The following DAAM2 variants were observed in gnomAD, a reference collection of about 807,000 sequenced individuals.
The protein encoded by DAAM2 is dishevelled associated activator of morphogenesis 2, also known as disheveled-associated activator of morphogenesis 2.
Under a neutral mutation model 120.7 loss-of-function variants are expected in DAAM2, and 39 were observed. The ratio of observed to expected loss-of-function variants is 0.32; its 90% CI spans 0.25 to 0.42. DAAM2 has a LOEUF of 0.42. Ranked by LOEUF, DAAM2 falls within the 10% of genes least tolerant of loss-of-function variation. DAAM2 has a pLI of 1.00. For missense variants in DAAM2, 1,283 were observed against 1,401.7 expected (o/e 0.92, Z 1.35); for synonymous variants, 488 against 524.9 (o/e 0.93, Z 0.96).
At chr6:39,899,029 A>AACAATGAGC (rs1766306957) in intron 22 of DAAM2, 92 bp downstream of exon 22, 3 of 883,868 alleles carry the variant, frequency 3.4e-6, no homozygotes, top group Admixed American at 4.2e-5. Context: ...AGGGGCAAAA[A>AACAATGAGC]ACAATGGGTA....
chr6:39,892,720 C>T (rs1177732002), intron 19 of DAAM2, among the ~76,000 whole-genome samples: 5 of 152,122 alleles, frequency 3.3e-5, no homozygotes, highest in African/African-American at 4.8e-5. Flanking sequence ...CTGCTGGACA[C>T]CAGGGCCAGT....
At chr6:39,893,841 T>A (rs1020590021) in intron 19 of DAAM2, among the ~76,000 whole-genome samples, 16 of 152,098 alleles carry the variant, frequency 1.1e-4, no homozygotes, top group Non-Finnish European at 2.2e-4. Context: ...TCCTTCCAGT[T>A]CTCCCAGGAA....
chr6:39,904,295 A>C lies in DAAM2; in HGVS notation c.*2258A>C. The C allele has an allele frequency of 2.2e-6, 1 of 456,778 alleles. No homozygotes were observed. Among genetic ancestry groups the C allele is most frequent in the South Asian group, 1.5e-5 (1 of 64,568 alleles). The allele number at this position is 456,778 out of a possible 1,614,324, so 28.3% of individuals were successfully genotyped here. A position where few individuals can be genotyped will look rare whatever the true frequency, so the allele number is the denominator to read the frequency against. Reference sequence around the variant, plus strand: ...AAAGATATTTTTCTATTTATTTTCTACATCTGGCCAGTGGCTCTGGTGCTA... The same window carrying C: ...AAAGATATTTTTCTATTTATTTTCTCCATCTGGCCAGTGGCTCTGGTGCTA... On this transcript the variant is annotated 3_prime_UTR_variant, in exon 25 of 25. Transcript: ENST00000274867.
chr6:39,828,541 C>T (rs1372830323), intron 1 of DAAM2, among the ~76,000 whole-genome samples: 1 of 151,190 alleles, frequency 6.6e-6, no homozygotes, highest in African/African-American at 2.4e-5. Flanking sequence ...CTAAAAGGGC[C>T]TAAGCTAATT....
intron 1 of DAAM2, among the ~76,000 whole-genome samples, chr6:39,842,103 G>A (rs983647200): frequency 3.3e-5 from 5 of 152,176 alleles, no homozygotes; most frequent in East Asian, 1.9e-4. Context: ...GCCTGGCCAA[G>A]GCCTGGATGC....
chr6:39,835,371 T>G (rs1309804429), intron 1 of DAAM2, among the ~76,000 whole-genome samples: 1 of 152,226 alleles, frequency 6.6e-6, no homozygotes, highest in East Asian at 1.9e-4. Flanking sequence ...AGCAGGAAGA[T>G]TTGACTGTGT....
chr6:39,832,420 A>C (rs1762949640), intron 1 of DAAM2, among the ~76,000 whole-genome samples: 1 of 148,842 alleles, frequency 6.7e-6, no homozygotes, highest in African/African-American at 2.6e-5. Context: ...TAACCCACTT[A>C]GTGGTGGTGA....
intron 7 of DAAM2, 26 bp from the exon 8 acceptor site, chr6:39,870,314 T>A (rs1334649197): frequency 1.5e-5 from 22 of 1,434,168 alleles, no homozygotes; most frequent in Non-Finnish European, 2.0e-5. Flanking sequence ...TGCCAATGAG[T>A]CTGGCCCTCC....
intron 2 of DAAM2, 29 bp downstream of exon 2, chr6:39,856,499 A>G: frequency 3.6e-6 from 5 of 1,396,924 alleles, no homozygotes; most frequent in Non-Finnish European, 4.7e-6. Flanking sequence ...AGAGACAGTG[A>G]CAATGGGGAG....
intron 8 of DAAM2, among the ~76,000 whole-genome samples, chr6:39,871,022 A>G (rs548453998): frequency 1.1e-3 from 167 of 152,170 alleles, no homozygotes; most frequent in African/African-American, 3.7e-3. Flanking sequence ...AATGAGGGAG[A>G]GATTAGTTTT....
At chr6:39,836,796 C>G in intron 1 of DAAM2, among the ~76,000 whole-genome samples, 1 of 152,216 alleles carries the variant, frequency 6.6e-6, no homozygotes, top group East Asian at 1.9e-4. Flanking sequence ...ACTGCCATTA[C>G]TCATCCTTAC....
At chr6:39,793,381 G>A (rs1182739001) in intron 1 of DAAM2, among the ~76,000 whole-genome samples, 1 of 151,514 alleles carries the variant, frequency 6.6e-6, no homozygotes, top group African/African-American at 2.4e-5. Context: ...GGCGGTGGGG[G>A]AGAGGGAGAT....
chr6:39,812,076 A>G (rs1762179437), intron 1 of DAAM2, among the ~76,000 whole-genome samples: 1 of 152,158 alleles, frequency 6.6e-6, no homozygotes, highest in South Asian at 2.1e-4. Context: ...TGCCAGAACT[A>G]ACAAAGGCTA....
intron 1 of DAAM2, among the ~76,000 whole-genome samples, chr6:39,812,122 T>A (rs911788466): frequency 1.3e-5 from 2 of 152,224 alleles, no homozygotes; most frequent in Non-Finnish European, 2.9e-5. Flanking sequence ...ATAAGCCTGG[T>A]TGCTGCGGAC....
At chr6:39,888,818 C>A in intron 17 of DAAM2, 55 bp downstream of exon 17, 1 of 1,389,456 alleles carries the variant, frequency 7.2e-7, no homozygotes, top group South Asian at 1.2e-5. Flanking sequence ...AGCCACGCCC[C>A]TTCCCAACAG....
chr6:39,871,189 C>T (rs1386328548), intron 8 of DAAM2, among the ~76,000 whole-genome samples: 1 of 152,082 alleles, frequency 6.6e-6, no homozygotes, highest in Non-Finnish European at 1.5e-5. Flanking sequence ...GCTGGGGATG[C>T]TGCTAAACAT....
chr6:39,836,253 T>C (rs181876793), intron 1 of DAAM2, among the ~76,000 whole-genome samples: 3 of 152,274 alleles, frequency 2.0e-5, no homozygotes, highest in Admixed American at 2.0e-4. Flanking sequence ...AGTTCATTCA[T>C]ACTTTGGTGT....
At chr6:39,810,441 G>A (rs1188971784) in intron 1 of DAAM2, among the ~76,000 whole-genome samples, 1 of 152,218 alleles carries the variant, frequency 6.6e-6, no homozygotes, top group Non-Finnish European at 1.5e-5. Flanking sequence ...AGAGTCTGCA[G>A]AAAATACTAT....
rs746675682 is a variant in DAAM2, at chr6:39,891,387, A to G, written c.2192A>G (p.Glu731Gly). The part of the protein sequence containing the change: ...PEKSDIDLLE[E>G]HKHEIERMAR... Reference sequence around the variant, plus strand: ...AAGAGTGACATTGACCTCCTGGAGGAGCACAAGCATGAAATTGAGCGGATG... The same window carrying G: ...AAGAGTGACATTGACCTCCTGGAGGGGCACAAGCATGAAATTGAGCGGATG... Residue 731 changes from glutamate to glycine, a missense_variant, in exon 18 of 25, where the codon GAG becomes GGG. By Grantham distance (98) the Glu-to-Gly change is moderately conservative (BLOSUM62 -2). This residue lies in a region of DAAM2 where 748 missense variants were observed against 768.6 expected (regional missense o/e 0.97). Transcript: ENST00000274867. 1 of 1,611,720 alleles carries G rather than the reference A, an allele frequency of 6.2e-7. No individual in the cohort carries two copies. The highest frequency in any genetic ancestry group is 8.5e-7 in the Non-Finnish European group (1 of 1,178,964).
Sources: allele counts gnomAD v4.1 joint callset (sites outside exome capture counted in the v4.1 genomes callset), GRCh38; gene constraint gnomAD v4.1.1; regional missense constraint gnomAD v4.1.1; transcripts MANE v1.5; gene names NCBI Gene and HGNC (gene_info 2026-07-23, HGNC 2026-07-21).